The following SUMF1 variants were observed in gnomAD, a reference collection of about 807,000 sequenced individuals.
SUMF1 encodes sulfatase modifying factor 1.
Under a neutral mutation model 47.6 loss-of-function variants are expected in SUMF1, and 48 were observed. The observed-to-expected ratio is 1.01, with a 90% CI of 0.80 to 1.28. The LOEUF (loss-of-function observed/expected upper bound fraction) is 1.28. SUMF1 is among the 50% of genes most tolerant of loss of function. The probability of loss-of-function intolerance (pLI) is 0.00; values close to 1 mark genes in which losing one functional copy is unlikely to be tolerated. For missense variants in SUMF1, 571 were observed against 485.4 expected, an observed-to-expected ratio of 1.18 and a Z score of -1.66; for synonymous variants, 230 against 192.1, an observed-to-expected ratio of 1.20 and a Z score of -1.63.
chr3:4,313,331 G>A, intron 8 of SUMF1: 1 of 1,613,634 alleles, frequency 6.2e-7, no homozygotes, highest in Middle Eastern at 1.7e-4. Context: ...ATAGCCATCA[G>A]GGAACATGTT....
At chr3:4,338,014 A>G (rs1043719410) in intron 8 of SUMF1, among the ~76,000 whole-genome samples, 1 of 152,208 alleles carries the variant, frequency 6.6e-6, no homozygotes, top group African/African-American at 2.4e-5. Flanking sequence ...CCTCCCCTCT[A>G]TCCCAACTTG....
intron 8 of SUMF1, among the ~76,000 whole-genome samples, chr3:4,264,143 A>G (rs973919501): frequency 2.0e-5 from 3 of 152,208 alleles, no homozygotes; most frequent in African/African-American, 7.2e-5. Flanking sequence ...CTATAATCTG[A>G]CTTCAGCAAT....
intron 8 of SUMF1, among the ~76,000 whole-genome samples, chr3:4,156,609 A>C (rs1281450669): frequency 6.6e-6 from 1 of 151,766 alleles, no homozygotes; most frequent in Middle Eastern, 3.4e-3. Flanking sequence ...TCTGGGTGTT[A>C]ATCCCACAAG....
intron 8 of SUMF1, among the ~76,000 whole-genome samples, chr3:4,268,314 G>A (rs1267233887): frequency 6.6e-6 from 1 of 151,912 alleles, no homozygotes; most frequent in Non-Finnish European, 1.5e-5. Context: ...GGATAGCATT[G>A]GGAGATATAC....
chr3:4,369,697 T>G (rs1015047474), intron 8 of SUMF1, among the ~76,000 whole-genome samples: 1 of 152,212 alleles, frequency 6.6e-6, no homozygotes, highest in Admixed American at 6.5e-5. Flanking sequence ...ACAGGTTGCT[T>G]AAATCCATGT....
Position 4,313,612 on chromosome 3 carries a change from G to A in SUMF1, c.1014+62718C>T, listed in dbSNP as rs1354072876. On this transcript the variant is annotated intron_variant and NMD_transcript_variant, in intron 8 of 12. Coordinates refer to the SUMF1 transcript ENST00000448413. ...ACTAAGGAAACCTTGTTACTGTGGT[G>A]CCAAATCATGTACTGCTTTCCTGCC... 7 of 1,613,952 alleles carry A rather than the reference G, an allele frequency of 4.3e-6. No individual in the cohort carries two copies. In the East Asian group the frequency reaches 1.3e-4, roughly 31 times the overall value.
chr3:4,316,085 T>C lies in SUMF1; in HGVS notation c.1014+60245A>G, dbSNP rs1056457670. On this transcript the variant is annotated intron_variant and NMD_transcript_variant, in intron 8 of 12. Transcript: ENST00000448413. ...AAAAAAAAAGTAACAGTTTTTGCAT[T>C]GTTGGAATTTGGTATTTGATATTGG... 13 of 536,470 alleles carry C rather than the reference T, an allele frequency of 2.4e-5. No individual in the cohort carries two copies. The Admixed American group carries it at 3.5e-4, about 14-fold the overall frequency. 33.2% of individuals were successfully genotyped at this position (536,470 alleles called of 1,614,324 possible).
At chr3:4,313,830 C>G (rs1698526805) in intron 8 of SUMF1, 1 of 1,597,920 alleles carries the variant, frequency 6.3e-7, no homozygotes, top group African/African-American at 1.3e-5. Context: ...CTAGCTTTAC[C>G]TCTGCCTAGT....
chr3:4,328,667 G>C (rs1026967853), intron 8 of SUMF1, among the ~76,000 whole-genome samples: 1 of 150,600 alleles, frequency 6.6e-6, no homozygotes, highest in Admixed American at 6.6e-5. Context: ...TTTGGGTGGG[G>C]ACATAGTCAA....
At chr3:4,218,267 T>A (rs1695983502) in intron 8 of SUMF1, among the ~76,000 whole-genome samples, 1 of 152,096 alleles carries the variant, frequency 6.6e-6, no homozygotes, top group Non-Finnish European at 1.5e-5. Flanking sequence ...AATAAAATTC[T>A]GTTGTTTAAG....
downstream of SUMF1, among the ~76,000 whole-genome samples, chr3:4,357,623 T>A (rs2125166513): frequency 6.7e-6 from 1 of 149,176 alleles, no homozygotes; most frequent in East Asian, 1.9e-4. Context: ...ATTTATTTAT[T>A]TTGAGACGGA....
At chr3:4,423,445 G>T (rs372712447) in intron 3 of SUMF1, among the ~76,000 whole-genome samples, 19 of 152,084 alleles carry the variant, frequency 1.2e-4, no homozygotes, top group African/African-American at 4.6e-4. Flanking sequence ...AGTCCCTAGG[G>T]CTTCTCTCTA....
At chr3:4,259,307 C>A (rs894742204) in intron 8 of SUMF1, among the ~76,000 whole-genome samples, 6 of 152,062 alleles carry the variant, frequency 3.9e-5, no homozygotes, top group African/African-American at 1.4e-4. Context: ...TAAACAGTTT[C>A]TTTTCATTGT....
intron 8 of SUMF1, among the ~76,000 whole-genome samples, chr3:4,233,234 T>C (rs1322299188): frequency 6.6e-6 from 1 of 152,110 alleles, no homozygotes; most frequent in Non-Finnish European, 1.5e-5. Flanking sequence ...GCAGATGGCA[T>C]TATGAGAGAT....
At chr3:4,151,619 C>G (rs1694337930) in intron 8 of SUMF1, among the ~76,000 whole-genome samples, 1 of 146,158 alleles carries the variant, frequency 6.8e-6, no homozygotes, top group East Asian at 2.0e-4. Context: ...GGTGTCGAAA[C>G]TTTTGGCTTC....
intron 9 of SUMF1, among the ~76,000 whole-genome samples, chr3:4,065,630 C>A (rs544901279): frequency 6.6e-6 from 1 of 151,978 alleles, no homozygotes; most frequent in African/African-American, 2.4e-5. Flanking sequence ...ATCATTTGAA[C>A]TTGAAATTTA....
At chr3:4,126,324 G>A (rs759232385) in intron 8 of SUMF1, among the ~76,000 whole-genome samples, 13 of 151,268 alleles carry the variant, frequency 8.6e-5, no homozygotes, top group Non-Finnish European at 1.5e-4. Context: ...TTTCTTGACA[G>A]CTTTATTTCT....
At chr3:4,081,091 T>C (rs1388579840) in intron 8 of SUMF1, among the ~76,000 whole-genome samples, 1 of 152,186 alleles carries the variant, frequency 6.6e-6, no homozygotes, top group Non-Finnish European at 1.5e-5. Context: ...AATTCAAGCC[T>C]CTTGACATAA....
chr3:4,303,293 G>T (rs1342639673), intron 8 of SUMF1: 12 of 1,398,398 alleles, frequency 8.6e-6, no homozygotes, highest in East Asian at 3.1e-5. Flanking sequence ...AGGCGGTGGG[G>T]CCACGGGACC....
Sources: gnomAD v4.1 joint callset for allele counts (sites outside exome capture counted in the v4.1 genomes callset) on GRCh38, gnomAD v4.1.1 for gene constraint, MANE v1.5 for transcripts, NCBI Gene and HGNC (gene_info 2026-07-23, HGNC 2026-07-21) for gene names.